Variants in SHISA9 observed in about 807,000 individuals in gnomAD.
The protein encoded by SHISA9 is shisa family member 9.
In SHISA9, 13 loss-of-function variants were observed where a neutral mutation model predicts 38.0. The observed-to-expected ratio is 0.34, with a 90% CI of 0.22 to 0.54. The LOEUF (loss-of-function observed/expected upper bound fraction) is 0.54, where lower values mean the gene tolerates loss of function less well. Ranked by LOEUF, SHISA9 falls within the 20% of genes least tolerant of loss-of-function variation. SHISA9 has a pLI of 0.91. For synonymous variants in SHISA9, 275 were observed against 242.0 expected, an observed-to-expected ratio of 1.14 and a Z score of -1.27; for missense variants, 538 against 575.8, an observed-to-expected ratio of 0.93 and a Z score of 0.67.
chr16:13,347,353 GAT>G, the SHISA9 span, among the ~76,000 whole-genome samples: 1 of 152,154 alleles, frequency 6.6e-6, no homozygotes, highest in Non-Finnish European at 1.5e-5. Context: ...TGGGCACTCA[GAT>G]ATTTTAGGAG....
At chr16:12,945,965 G>C (rs765702220) in intron 2 of SHISA9, among the ~76,000 whole-genome samples, 2 of 152,184 alleles carry the variant, frequency 1.3e-5, no homozygotes, top group African/African-American at 4.8e-5. Context: ...AAAATTAGCC[G>C]GATGTGGTGG....
At chr16:13,290,910 C>G in the SHISA9 span, among the ~76,000 whole-genome samples, 135 of 152,264 alleles carry the variant, frequency 8.9e-4, no homozygotes, top group African/African-American at 3.1e-3. Flanking sequence ...GGACTAGAGC[C>G]CCATCATTTA....
intron 2 of SHISA9, among the ~76,000 whole-genome samples, chr16:13,202,797 T>G (rs954752587): frequency 1.3e-5 from 2 of 152,246 alleles, no homozygotes; most frequent in East Asian, 3.8e-4. Flanking sequence ...ACAAATATCC[T>G]TACATTCTGA....
intron 2 of SHISA9, among the ~76,000 whole-genome samples, chr16:12,924,225 A>G (rs1325288970): frequency 1.3e-5 from 2 of 152,152 alleles, no homozygotes; most frequent in African/African-American, 4.8e-5. Flanking sequence ...GAGGAGGGAA[A>G]GGCGAGGTAG....
At chr16:12,914,865 G>C (rs1360998758) in intron 1 of SHISA9, among the ~76,000 whole-genome samples, 1 of 152,186 alleles carries the variant, frequency 6.6e-6, no homozygotes, top group South Asian at 2.1e-4. Context: ...CTGAAAATTT[G>C]CATCTTAACA....
chr16:13,450,694 A>G, the SHISA9 span, among the ~76,000 whole-genome samples: 2 of 152,216 alleles, frequency 1.3e-5, no homozygotes, highest in East Asian at 1.9e-4. Flanking sequence ...AGACTCAGAG[A>G]AGGTCATGGA....
chr16:13,360,284 T>G, the SHISA9 span, among the ~76,000 whole-genome samples: 1 of 152,208 alleles, frequency 6.6e-6, no homozygotes, highest in African/African-American at 2.4e-5. Context: ...GGTGTCCCAC[T>G]TCAGTTCCCC....
At chr16:13,288,620 G>A in the SHISA9 span, among the ~76,000 whole-genome samples, 20 of 152,022 alleles carry the variant, frequency 1.3e-4, no homozygotes, top group African/African-American at 4.8e-4. Context: ...ATGACAAAAC[G>A]CTGTCTCTAC....
intron 2 of SHISA9, among the ~76,000 whole-genome samples, chr16:13,086,985 C>G (rs1450667578): frequency 6.8e-6 from 1 of 147,660 alleles, no homozygotes; most frequent in African/African-American, 2.5e-5. Context: ...CCCAACAGGC[C>G]CCGGTGTGTG....
chr16:13,257,867 ATT>A, the SHISA9 span, among the ~76,000 whole-genome samples: 1 of 151,914 alleles, frequency 6.6e-6, no homozygotes, highest in South Asian at 2.1e-4. Context: ...TAAATACTTT[ATT>A]TTTTTTGGTG....
intron 2 of SHISA9, among the ~76,000 whole-genome samples, chr16:13,084,661 A>T (rs1209635294): frequency 6.6e-6 from 1 of 152,226 alleles, no homozygotes; most frequent in Non-Finnish European, 1.5e-5. Context: ...GGTACGTGCT[A>T]TGAAGAGGTT....
chr16:13,308,813 A>G, the SHISA9 span, among the ~76,000 whole-genome samples: 1 of 152,254 alleles, frequency 6.6e-6, no homozygotes, highest in Non-Finnish European at 1.5e-5. Context: ...TCAAATAATT[A>G]AATCGCCATA....
the SHISA9 span, among the ~76,000 whole-genome samples, chr16:13,491,503 T>C: frequency 2.0e-5 from 3 of 151,898 alleles, no homozygotes; most frequent in Non-Finnish European, 4.4e-5. Context: ...TTTTTGTTGG[T>C]ATTGAGACTG....
At chr16:13,376,711 G>T in the SHISA9 span, among the ~76,000 whole-genome samples, 5 of 151,842 alleles carry the variant, frequency 3.3e-5, no homozygotes, top group African/African-American at 4.8e-5. Context: ...TTATCTTTTT[G>T]GAGACAGGGT....
chr16:12,971,561 G>T (rs1243808182), intron 2 of SHISA9, among the ~76,000 whole-genome samples: 1 of 152,202 alleles, frequency 6.6e-6, no homozygotes, highest in African/African-American at 2.4e-5. Flanking sequence ...CCTCCTCCCT[G>T]TGCTCTGGGG....
At chr16:13,077,657 C>G (rs1170496862) in intron 2 of SHISA9, among the ~76,000 whole-genome samples, 2 of 152,142 alleles carry the variant, frequency 1.3e-5, no homozygotes, top group Non-Finnish European at 1.5e-5. Context: ...GCATCAAAGT[C>G]AAGTGTTGGA....
chr16:13,138,393 C>G (rs758626347), intron 2 of SHISA9, among the ~76,000 whole-genome samples: 1 of 152,178 alleles, frequency 6.6e-6, no homozygotes, highest in African/African-American at 2.4e-5. Flanking sequence ...ACTGTTTCAT[C>G]CTTATCACAC....
At chr16:13,034,379 A>G (rs976391949) in intron 2 of SHISA9, among the ~76,000 whole-genome samples, 12 of 152,212 alleles carry the variant, frequency 7.9e-5, no homozygotes, top group Admixed American at 6.5e-5. Flanking sequence ...GCTAATGAGC[A>G]GTGATGCCAA....
the SHISA9 span, among the ~76,000 whole-genome samples, chr16:13,470,862 A>C: frequency 1.3e-5 from 2 of 152,036 alleles, no homozygotes; most frequent in East Asian, 3.9e-4. Context: ...AAACACCGTA[A>C]ATCTTAGTTT....
Sources: gnomAD v4.1 joint callset for allele counts (sites outside exome capture counted in the v4.1 genomes callset) on GRCh38, gnomAD v4.1.1 for gene constraint, MANE v1.5 for transcripts, NCBI Gene and HGNC (gene_info 2026-07-23, HGNC 2026-07-21) for gene names.